The following FSTL5 variants were observed in gnomAD, a reference collection of about 807,000 sequenced individuals.
FSTL5 encodes follistatin like 5.
Under a neutral mutation model 89.1 loss-of-function variants are expected in FSTL5, and 62 were observed. The observed-to-expected ratio is 0.70, with a 90% confidence interval of 0.57 to 0.86. The LOEUF (loss-of-function observed/expected upper bound fraction) is 0.86. Among genes scored for constraint, FSTL5 ranks in the 40% least tolerant of loss-of-function variants. The pLI is 0.00. For missense variants in FSTL5, 1,057 were observed against 1,001.6 expected (o/e 1.06, Z -0.75); for synonymous variants, 383 against 346.2 (o/e 1.11, Z -1.18).
intron 3 of FSTL5, among the ~76,000 whole-genome samples, chr4:162,031,301 T>G (rs999435370): frequency 3.9e-5 from 6 of 152,136 alleles, no homozygotes; most frequent in African/African-American, 1.4e-4. Flanking sequence ...AGTTAACAAA[T>G]AGCCAGGAAC....
intron 2 of FSTL5, among the ~76,000 whole-genome samples, chr4:162,055,564 C>T (rs1295263859): frequency 2.2e-5 from 3 of 137,016 alleles, no homozygotes; most frequent in Admixed American, 7.5e-5. Flanking sequence ...GATAGATAGA[C>T]AAATTGTAAG....
intron 6 of FSTL5, among the ~76,000 whole-genome samples, chr4:161,664,123 G>C (rs1290499342): frequency 6.6e-6 from 1 of 152,174 alleles, no homozygotes; most frequent in Non-Finnish European, 1.5e-5. Context: ...GTGATGGGAC[G>C]GGCTGCGGTG....
Position 161,669,123 on chromosome 4 carries a change from A to ATAAAAT in FSTL5, c.728-12630_728-12629insATTTTA, listed in dbSNP as rs1553956607. ...TGAGACTCTGTCTCAAAAAAAAAAAAAAAATAAAATAAAATAAAAGAAAAA... is the reference window on the plus strand; with the variant it reads ...TGAGACTCTGTCTCAAAAAAAAAAAATAAAATAAAATAAAATAAAATAAAAGAAAAA... On this transcript the variant is annotated intron_variant, in intron 6 of 15. Transcript: ENST00000306100. Among the ~76,000 whole-genome samples, 1,061 of 144,074 alleles carry ATAAAAT rather than the reference A, an allele frequency of 7.4e-3. 13 individuals are homozygous for ATAAAAT. Among genetic ancestry groups the ATAAAAT allele is most frequent in the African/African-American group, 0.025 (995 of 39,030 alleles). The allele number at this position is 144,074 out of a possible 152,430, so 94.5% of individuals were successfully genotyped here. A position where few individuals can be genotyped will look rare whatever the true frequency, so the allele number is the denominator to read the frequency against.
At chr4:161,749,838 A>G (rs1740334054) in intron 6 of FSTL5, among the ~76,000 whole-genome samples, 1 of 151,478 alleles carries the variant, frequency 6.6e-6, no homozygotes, top group Admixed American at 6.6e-5. Flanking sequence ...AATAAAAATA[A>G]TAGGCTCTGG....
chr4:162,043,794 AAGG>A (rs1299472911), intron 2 of FSTL5, among the ~76,000 whole-genome samples: 6 of 152,192 alleles, frequency 3.9e-5, no homozygotes, highest in African/African-American at 7.2e-5. Flanking sequence ...GCATCTTCAC[AAGG>A]AGTAGATTCC....
At chr4:162,148,781 T>C (rs1363613986) in intron 1 of FSTL5, among the ~76,000 whole-genome samples, 1 of 152,190 alleles carries the variant, frequency 6.6e-6, no homozygotes, top group East Asian at 1.9e-4. Flanking sequence ...AGTCAGGCAT[T>C]ATTAACCTGC....
chr4:161,574,872 C>CG (rs1733157279), intron 8 of FSTL5, among the ~76,000 whole-genome samples: 1 of 152,088 alleles, frequency 6.6e-6, no homozygotes, highest in South Asian at 2.1e-4. Context: ...GTAATGGGAT[C>CG]GCTGGGTCAA....
At chr4:161,675,706 A>C (rs116070219) in intron 6 of FSTL5, among the ~76,000 whole-genome samples, 2,531 of 152,032 alleles carry the variant, frequency 0.017, 73 homozygotes, top group African/African-American at 0.057. Context: ...ATTACTAAGA[A>C]GTACTTCTGT....
intron 2 of FSTL5, among the ~76,000 whole-genome samples, chr4:162,103,002 T>C (rs751583935): frequency 2.6e-5 from 4 of 151,998 alleles, no homozygotes; most frequent in African/African-American, 9.7e-5. Context: ...AATATTTTAA[T>C]GTAGGGTCAC....
intron 11 of FSTL5, among the ~76,000 whole-genome samples, chr4:161,508,428 G>A (rs1459165688): frequency 6.6e-6 from 1 of 152,064 alleles, no homozygotes; most frequent in Non-Finnish European, 1.5e-5. Flanking sequence ...GTGACTTAAA[G>A]TATCTGTAAA....
chr4:161,594,056 G>T (rs901552406), intron 7 of FSTL5, among the ~76,000 whole-genome samples: 1 of 152,072 alleles, frequency 6.6e-6, no homozygotes, highest in Non-Finnish European at 1.5e-5. Context: ...AAAGATTAGA[G>T]TTAAGAGTAT....
chr4:161,927,431 CA>C (rs1734157978), intron 3 of FSTL5, among the ~76,000 whole-genome samples: 1 of 151,542 alleles, frequency 6.6e-6, no homozygotes, highest in South Asian at 2.1e-4. Flanking sequence ...CATTGTAATA[CA>C]AGGGTAGATT....
chr4:161,983,591 G>C (rs995771429), intron 3 of FSTL5, among the ~76,000 whole-genome samples: 15 of 152,076 alleles, frequency 9.9e-5, no homozygotes, highest in African/African-American at 3.6e-4. Flanking sequence ...TCATTAATAT[G>C]AAATACGTGT....
intron 10 of FSTL5, among the ~76,000 whole-genome samples, chr4:161,522,253 G>A (rs1731061146): frequency 1.3e-5 from 2 of 152,210 alleles, no homozygotes; most frequent in African/African-American, 4.8e-5. Flanking sequence ...GACAGAGACA[G>A]CAAGAAAATC....
In FSTL5 at chr4:161,887,404, T is replaced by C. The variant is rs1448972364; in HGVS notation, c.409+33000A>G. On this transcript the variant is annotated intron_variant, in intron 4 of 15. Transcript: ENST00000306100. ...TATCTCTATCTATCATCTATCTATC[T>C]ATCTATCTATCTATCTATCTATCAT... Among the ~76,000 whole-genome samples, 5 of 41,866 alleles carry C rather than the reference T, an allele frequency of 1.2e-4. No individual in the cohort carries two copies. In the East Asian group the frequency reaches 2.8e-3, roughly 24 times the overall value. The allele number at this position is 41,866 out of a possible 152,430, so 27.5% of individuals were successfully genotyped here.
intron 3 of FSTL5, among the ~76,000 whole-genome samples, chr4:161,924,729 G>T (rs7674526): frequency 0.62 from 93,521 of 151,272 alleles, 29,031 homozygotes; most frequent in Middle Eastern, 0.71. Flanking sequence ...GCTGATAAAA[G>T]GATATACAGG....
intron 1 of FSTL5, among the ~76,000 whole-genome samples, chr4:162,147,199 C>G (rs1310761987): frequency 6.6e-6 from 1 of 151,990 alleles, no homozygotes; most frequent in African/African-American, 2.4e-5. Context: ...CTATTTCCTT[C>G]AAAATTTTAT....
At chr4:162,159,184 A>T (rs1733599877) in intron 1 of FSTL5, among the ~76,000 whole-genome samples, 1 of 152,064 alleles carries the variant, frequency 6.6e-6, no homozygotes, top group Non-Finnish European at 1.5e-5. Flanking sequence ...CCAACTACAA[A>T]AGGTAAATTA....
At chr4:162,018,072 G>A (rs6818532) in intron 3 of FSTL5, among the ~76,000 whole-genome samples, 14,881 of 152,054 alleles carry the variant, frequency 0.098, 855 homozygotes, top group Non-Finnish European at 0.13. Context: ...GTCTTGCTCC[G>A]TGTAATCAGA....
Sources: gnomAD v4.1 joint callset for allele counts (sites outside exome capture counted in the v4.1 genomes callset) on GRCh38, gnomAD v4.1.1 for gene constraint, MANE v1.5 for transcripts, NCBI Gene and HGNC (gene_info 2026-07-23, HGNC 2026-07-21) for gene names.